The following CMC1 variants were observed in gnomAD, a reference collection of about 807,000 sequenced individuals.
The protein encoded by CMC1 is COX assembly mitochondrial protein homolog.
CMC1 carries 14 observed loss-of-function variants against 14.1 expected under a neutral mutation model. The observed-to-expected ratio is 0.99, with a 90% CI of 0.66 to 1.55. The LOEUF (loss-of-function observed/expected upper bound fraction) is 1.55. CMC1 is among the 40% of genes most tolerant of loss of function. The pLI, the probability that CMC1 is intolerant of heterozygous loss-of-function variation, is 0.00. For synonymous variants in CMC1, 50 were observed against 38.4 expected (o/e 1.30, Z -1.12); for missense variants, 127 against 123.8 (o/e 1.03, Z -0.12).
chr3:28,244,847 A>T (rs998210162), intron 1 of CMC1, among the ~76,000 whole-genome samples: 6 of 151,914 alleles, frequency 3.9e-5, no homozygotes, highest in African/African-American at 1.4e-4. Flanking sequence ...AAGGAATGGA[A>T]GCAATGGAGA....
chr3:28,270,258 C>G (rs953394886), intron 2 of CMC1, among the ~76,000 whole-genome samples: 5 of 152,084 alleles, frequency 3.3e-5, no homozygotes, highest in African/African-American at 1.2e-4. Context: ...GATTTATATT[C>G]CTTTAGGTAT....
chr3:28,255,203 T>G (rs1168049839), intron 1 of CMC1, among the ~76,000 whole-genome samples: 1 of 151,932 alleles, frequency 6.6e-6, no homozygotes, highest in African/African-American at 2.4e-5. Context: ...TCTCCAACCA[T>G]GCTTCCAGTT....
At chr3:28,287,844 A>G (rs1248491198) in intron 2 of CMC1, among the ~76,000 whole-genome samples, 2 of 151,904 alleles carry the variant, frequency 1.3e-5, no homozygotes, top group Non-Finnish European at 2.9e-5. Context: ...GTTATTTTAC[A>G]CTCTGAAAAC....
intron 1 of CMC1, among the ~76,000 whole-genome samples, chr3:28,256,499 G>A (rs769315115): frequency 1.3e-5 from 2 of 152,094 alleles, no homozygotes; most frequent in Non-Finnish European, 2.9e-5. Flanking sequence ...ATTAATGTTT[G>A]CGTGAATAAC....
chr3:28,272,556 C>T (rs78130471), intron 2 of CMC1, among the ~76,000 whole-genome samples: 3 of 152,248 alleles, frequency 2.0e-5, no homozygotes, highest in East Asian at 1.9e-4. Context: ...AGCCTTGCAT[C>T]GTGGGGATGA....
intron 1 of CMC1, among the ~76,000 whole-genome samples, chr3:28,258,667 T>G (rs1441849333): frequency 6.8e-6 from 1 of 147,410 alleles, no homozygotes; most frequent in Non-Finnish European, 1.5e-5. Context: ...TCACCCAGGC[T>G]GGAGTTCAGT....
chr3:28,283,236 AG>A (rs1484311185), intron 2 of CMC1, among the ~76,000 whole-genome samples: 1 of 152,122 alleles, frequency 6.6e-6, no homozygotes, highest in Non-Finnish European at 1.5e-5. Context: ...GTTCTTGGCC[AG>A]GTGTGGTGGC....
At chr3:28,257,552 C>T (rs963995204) in intron 1 of CMC1, among the ~76,000 whole-genome samples, 3 of 152,150 alleles carry the variant, frequency 2.0e-5, no homozygotes, top group African/African-American at 7.2e-5. Flanking sequence ...CTGAGTCTCA[C>T]TCTGTCGCCA....
intron 2 of CMC1, among the ~76,000 whole-genome samples, chr3:28,274,530 T>C (rs1363608452): frequency 6.6e-6 from 1 of 152,136 alleles, no homozygotes; most frequent in African/African-American, 2.4e-5. Flanking sequence ...CCTTTCTGTC[T>C]GGCTGCTCGT....
intron 2 of CMC1, among the ~76,000 whole-genome samples, chr3:28,314,694 G>C (rs1343705360): frequency 6.6e-6 from 1 of 152,108 alleles, no homozygotes; most frequent in Non-Finnish European, 1.5e-5. Flanking sequence ...CAATTTTCTT[G>C]GAAGTATCAC....
At chr3:28,250,408 CTG>C (rs892727429) in intron 1 of CMC1, among the ~76,000 whole-genome samples, 7 of 152,276 alleles carry the variant, frequency 4.6e-5, no homozygotes, top group South Asian at 2.1e-4. Flanking sequence ...AAAATAAAGA[CTG>C]AGATTGAACT....
At chr3:28,242,768 C>CT (rs1363184369) in intron 1 of CMC1, among the ~76,000 whole-genome samples, 2 of 152,112 alleles carry the variant, frequency 1.3e-5, no homozygotes, top group Non-Finnish European at 2.9e-5. Flanking sequence ...AGGGAGTACT[C>CT]TAATTTGAAG....
At position 28,319,743 on chromosome 3, in the gene CMC1, A is replaced by G; in HGVS notation, c.*114A>G. The stretch of plus-strand genomic sequence containing the variant: ...CTTTACCTTAATTATGGAAATATTA[A>G]CTTTATCTGAAATAAATATTTTATT... On this transcript the variant is annotated 3_prime_UTR_variant, in exon 4 of 4. Transcript: ENST00000466830. 1 of 861,350 alleles carries G rather than the reference A, an allele frequency of 1.2e-6. No homozygotes were observed. Among genetic ancestry groups the G allele is most frequent in the South Asian group, 2.5e-5 (1 of 40,794 alleles). 53.4% of individuals were successfully genotyped at this position (861,350 alleles called of 1,614,324 possible). A position where few individuals can be genotyped will look rare whatever the true frequency, so the allele number is the denominator to read the frequency against.
At chr3:28,290,651 AT>A (rs561019182) in intron 2 of CMC1, among the ~76,000 whole-genome samples, 179 of 151,556 alleles carry the variant, frequency 1.2e-3, no homozygotes, top group African/African-American at 4.1e-3. Context: ...TGGTTTGTAC[AT>A]TTTTTTTAAT....
chr3:28,307,993 C>T (rs1373867763), intron 2 of CMC1, among the ~76,000 whole-genome samples: 1 of 152,126 alleles, frequency 6.6e-6, no homozygotes, highest in African/African-American at 2.4e-5. Flanking sequence ...ACTCTGCTTC[C>T]ATCATCTCAT....
At chr3:28,275,400 G>A (rs181177650) in intron 2 of CMC1, among the ~76,000 whole-genome samples, 71 of 140,522 alleles carry the variant, frequency 5.1e-4, no homozygotes, top group East Asian at 1.7e-3. Flanking sequence ...CTCGGGGTCC[G>A]CTTCAGACCC....
At chr3:28,242,088 T>C (rs1480504305) in intron 1 of CMC1, among the ~76,000 whole-genome samples, 1 of 152,204 alleles carries the variant, frequency 6.6e-6, no homozygotes, top group Non-Finnish European at 1.5e-5. Flanking sequence ...GTCACCCTCT[T>C]TTCGCCCCTT....
In CMC1 at chr3:28,324,354, T is replaced by C; in HGVS notation, c.*4725T>C. On this transcript the variant is annotated 3_prime_UTR_variant, in exon 4 of 4. Coordinates refer to ENST00000466830, the MANE Select transcript of CMC1 (RefSeq NM_182523.2). ...TATGACAAAGAGCTTTGCCATTTGGTAAGAGAGGGGGATGTCTTGTGTATG... is the reference window on the plus strand; with the variant it reads ...TATGACAAAGAGCTTTGCCATTTGGCAAGAGAGGGGGATGTCTTGTGTATG... 2 of 1,597,266 alleles carry C rather than the reference T, an allele frequency of 1.3e-6. No individual in the cohort carries two copies. Among genetic ancestry groups the C allele is most frequent in the Non-Finnish European group, 1.7e-6 (2 of 1,171,052 alleles).
At chr3:28,263,827 G>A (rs1285845867) in intron 2 of CMC1, among the ~76,000 whole-genome samples, 3 of 152,068 alleles carry the variant, frequency 2.0e-5, no homozygotes, top group Non-Finnish European at 4.4e-5. Context: ...ATCCTGATAG[G>A]ACTTACAGTG....
Sources: allele counts gnomAD v4.1 joint callset (sites outside exome capture counted in the v4.1 genomes callset), GRCh38; gene constraint gnomAD v4.1.1; transcripts MANE v1.5; gene names NCBI Gene and HGNC (gene_info 2026-07-23, HGNC 2026-07-21).